The following CYB5R3 variants were observed in gnomAD, a reference collection of about 807,000 sequenced individuals.
CYB5R3 encodes the protein cytochrome b5 reductase 3.
CYB5R3 carries 28 observed loss-of-function variants against 36.5 expected under a neutral mutation model. The observed-to-expected ratio is 0.77, with a 90% CI of 0.57 to 1.05. The LOEUF is 1.05. Ranked by LOEUF, CYB5R3 falls within the 50% of genes least tolerant of loss-of-function variation. CYB5R3 has a pLI of 0.00. For missense variants in CYB5R3, 474 were observed against 408.9 expected, an observed-to-expected ratio of 1.16 and a Z score of -1.37; for synonymous variants, 181 against 159.8, an observed-to-expected ratio of 1.13 and a Z score of -1.00.
intron 4 of CYB5R3, among the ~76,000 whole-genome samples, chr22:42,630,004 C>T (rs1299835203): frequency 2.0e-5 from 3 of 152,066 alleles, no homozygotes; most frequent in Non-Finnish European, 2.9e-5. Context: ...TTCTCCATGT[C>T]GGCCAGGCTG....
intron 8 of CYB5R3, among the ~76,000 whole-genome samples, chr22:42,622,844 A>C (rs150507715): frequency 1.3e-3 from 195 of 152,380 alleles, no homozygotes; most frequent in Admixed American, 2.7e-3. Context: ...AAGCAGGGGC[A>C]GATGGCAGGA....
intron 1 of CYB5R3, among the ~76,000 whole-genome samples, chr22:42,645,581 G>C (rs917386271): frequency 2.6e-5 from 4 of 152,100 alleles, no homozygotes; most frequent in Admixed American, 1.3e-4. Flanking sequence ...CAGCAGATGA[G>C]AGTCAAGGAC....
chr22:42,628,016 C>T, intron 5 of CYB5R3, 136 bp downstream of exon 5: 1 of 1,294,328 alleles, frequency 7.7e-7, no homozygotes, highest in Non-Finnish European at 1.1e-6. Flanking sequence ...AGACTCAGTT[C>T]CCAGAGAGGG....
At chr22:42,627,544 C>A in intron 6 of CYB5R3, 61 bp downstream of exon 6, 1 of 1,545,720 alleles carries the variant, frequency 6.5e-7, no homozygotes, top group African/African-American at 1.4e-5. Context: ...GCGCCTCACC[C>A]ACACCCCAAC....
At chr22:42,633,728 A>C (rs556588850) in intron 2 of CYB5R3, among the ~76,000 whole-genome samples, 1 of 152,294 alleles carries the variant, frequency 6.6e-6, no homozygotes, top group East Asian at 1.9e-4. Context: ...GGTTGCGGTG[A>C]GTCGAGATTG....
At position 42,627,638 on chromosome 22, in the gene CYB5R3, C is replaced by A; in HGVS notation, c.514G>T (p.Val172Leu). The change falls in exon 6 of 9, where the codon GTG (valine) becomes TTG (leucine). Residue 172 changes from valine to leucine, a missense_variant. Val to Leu is a conservative substitution (Grantham distance 32, BLOSUM62 1). Transcript: ENST00000352397. ...DKKSNPIIRT[V>L]KSVGMIAGGT... Reference sequence around the variant, plus strand: ...CCCGCGATCATGCCCACAGACTTCACTGTCCTGATGATAGGGTTGGACTTT... The same window carrying A: ...CCCGCGATCATGCCCACAGACTTCAATGTCCTGATGATAGGGTTGGACTTT... 1 of 1,614,222 alleles carries A rather than the reference C, an allele frequency of 6.2e-7. No homozygotes were observed. Among genetic ancestry groups the A allele is most frequent in the South Asian group, 1.1e-5 (1 of 91,084 alleles).
rs1366673127 is a variant in CYB5R3, at chr22:42,628,210, C to G, written c.405G>C (p.Gln135His). ...GKMSQYLESM[Q>H]IGDTIEFRGP... ...CCCGGAACTCAATGGTGTCTCCAAT[C>G]TGCATGCTCTCCAGGTACTGAGACA... Residue 135 changes from glutamine (Q) to histidine (H), a missense_variant, in exon 5 of 9, where the codon CAG (glutamine) becomes CAC (histidine). Physicochemically the swap from Gln to His is conservative, Grantham distance 24. Coordinates refer to ENST00000352397, the MANE Select transcript of CYB5R3 (RefSeq NM_000398.7). 6.2e-7 allele frequency: 1 copy of G among 1,614,172 alleles called. No individual in the cohort carries two copies. The highest frequency in any genetic ancestry group is 1.1e-5 in the South Asian group (1 of 91,086).
chr22:42,640,275 G>A lies in CYB5R3; in HGVS notation c.22-3429C>T, dbSNP rs759774812. 9.0e-6 allele frequency: 14 copies of A among 1,554,660 alleles called. No homozygotes were observed. In the African/African-American group the frequency reaches 1.9e-4, roughly 21 times the overall value. On this transcript the variant is annotated intron_variant, in intron 1 of 8. Coordinates refer to ENST00000352397, the MANE Select transcript of CYB5R3 (RefSeq NM_000398.7). ...CAAGGTTACGGACAAATGGAGCCAT[G>A]GTTCTGGGATGGAAAGTCCATCATC... is the stretch of plus-strand genomic sequence containing the variant.
At chr22:42,642,480 C>T (rs1285800145) in intron 1 of CYB5R3, among the ~76,000 whole-genome samples, 2 of 151,870 alleles carry the variant, frequency 1.3e-5, no homozygotes, top group African/African-American at 4.8e-5. Context: ...GCTCTGTTGC[C>T]CAGGCTGGAG....
At chr22:42,640,242 C>G (rs1259612297) in intron 1 of CYB5R3, 9 of 1,580,928 alleles carry the variant, frequency 5.7e-6, no homozygotes, top group Non-Finnish European at 7.7e-6. Flanking sequence ...GTGCTGGGGT[C>G]TTCTCCACAA....
At chr22:42,640,280 T>C (rs377761271) in intron 1 of CYB5R3, 5 of 1,551,658 alleles carry the variant, frequency 3.2e-6, no homozygotes, top group Non-Finnish European at 4.3e-6. Flanking sequence ...GCCATGGTTC[T>C]GGGATGGAAA....
Position 42,619,346 on chromosome 22 carries a change from A to G in CYB5R3, c.*427T>C. On this transcript the variant is annotated 3_prime_UTR_variant, in exon 9 of 9. Coordinates refer to ENST00000352397, the MANE Select transcript of CYB5R3 (RefSeq NM_000398.7). Reference sequence around the variant, plus strand: ...TGGCCCTGAGGCGGGAGTGGGGGTGACAGGCGAGGCTGGGGTGGGCCCTGG... The same window carrying G: ...TGGCCCTGAGGCGGGAGTGGGGGTGGCAGGCGAGGCTGGGGTGGGCCCTGG... 5.0e-6 allele frequency: 1 copy of G among 198,840 alleles called. No homozygotes were observed. Among genetic ancestry groups the G allele is most frequent in the Non-Finnish European group, 1.0e-5 (1 of 95,244 alleles). The allele number at this position is 198,840 out of a possible 1,614,324, so 12.3% of individuals were successfully genotyped here.
intron 1 of CYB5R3, among the ~76,000 whole-genome samples, chr22:42,638,169 G>A (rs9607923): frequency 0.11 from 16,991 of 152,056 alleles, 1,146 homozygotes; most frequent in Middle Eastern, 0.2. Context: ...GCCAAGGTGG[G>A]TGGATCACCT....
At chr22:42,646,806 G>A (rs1929560899) in intron 1 of CYB5R3, 4 of 986,214 alleles carry the variant, frequency 4.1e-6, no homozygotes, top group Non-Finnish European at 4.8e-6. Context: ...AGAAGGAACA[G>A]GTGGACACAG....
chr22:42,631,115 C>T lies in CYB5R3; in HGVS notation c.227-127G>A, dbSNP rs1730874091. The T allele has an allele frequency of 5.7e-6, 5 of 884,402 alleles. No individual in the cohort carries two copies. In the Admixed American group the frequency reaches 1.0e-4, roughly 18 times the overall value. 54.8% of individuals were successfully genotyped at this position (884,402 alleles called of 1,614,324 possible). ...CTGGCCTGGCGTCAGCTCCCACGGC[C>T]CCCTCCCACCCCTCCCGGGGATTCC... On this transcript the variant is annotated intron_variant, in intron 3 of 8. Coordinates refer to ENST00000352397, the MANE Select transcript of CYB5R3 (RefSeq NM_000398.7).
In CYB5R3 at chr22:42,636,333, T is replaced by A. The variant is rs531508276; in HGVS notation, c.153+382A>T. Among the ~76,000 whole-genome samples the A allele has an allele frequency of 2.0e-4, 30 of 152,152 alleles. 1 individual carries two copies. In the South Asian group the frequency reaches 6.2e-3, roughly 32 times the overall value. ...TGCACAGATGTGAAAGGTGTCCAGG[T>A]CCAGTAGTACCAGGCTGTGGGGAAT... On this transcript the variant is annotated intron_variant, in intron 2 of 8. Transcript: ENST00000352397.
rs749605863 is a variant in CYB5R3 at position 42,644,806 on chromosome 22, T to C, written c.21+4489A>G. The stretch of plus-strand genomic sequence containing the variant: ...AGCTGGGGTTGTGCTTGGTGCTCCC[T>C]GGAGTTCTGTTTTTCCAGCACAGCT... On this transcript the variant is annotated intron_variant, in intron 1 of 8. Coordinates refer to ENST00000352397, the MANE Select transcript of CYB5R3 (RefSeq NM_000398.7). Among the ~76,000 whole-genome samples the C allele has an allele frequency of 5.3e-5, 8 of 152,310 alleles. No individual in the cohort carries two copies. In the South Asian group the frequency reaches 6.2e-4, roughly 12 times the overall value.
chr22:42,640,348 C>T (rs1000773019), intron 1 of CYB5R3: 1 of 851,318 alleles, frequency 1.2e-6, no homozygotes, highest in Non-Finnish European at 1.6e-6. Flanking sequence ...CTGCGTGGTT[C>T]ACTTATTTAT....
intron 1 of CYB5R3, among the ~76,000 whole-genome samples, chr22:42,642,209 C>T (rs1048540888): frequency 1.3e-5 from 2 of 150,658 alleles, no homozygotes; most frequent in Admixed American, 6.6e-5. Context: ...CCTCTTGTAC[C>T]CAAGCAATCC....
Sources: allele counts gnomAD v4.1 joint callset (sites outside exome capture counted in the v4.1 genomes callset), GRCh38; gene constraint gnomAD v4.1.1; transcripts MANE v1.5; gene names NCBI Gene and HGNC (gene_info 2026-07-23, HGNC 2026-07-21).